KIF21A: variants seen among roughly 807,000 people sequenced by gnomAD.
KIF21A encodes the protein kinesin family member 21A, also known as kinesin-like protein KIF21A.
Under a neutral mutation model 202.9 loss-of-function variants are expected in KIF21A, and 114 were observed. The ratio of observed to expected loss-of-function variants is 0.56; its 90% CI spans 0.48 to 0.66. KIF21A has a LOEUF of 0.66. Among genes scored for constraint, KIF21A ranks in the 30% least tolerant of loss-of-function variants. The pLI is 0.00. For synonymous variants in KIF21A, 667 were observed against 670.8 expected (o/e 0.99, Z 0.09); for missense variants, 1,677 against 1,994.9 (o/e 0.84, Z 3.04).
chr12:39,429,483 T>C (rs1052728653), intron 1 of KIF21A, among the ~76,000 whole-genome samples: 5 of 152,120 alleles, frequency 3.3e-5, no homozygotes, highest in Non-Finnish European at 5.9e-5. Context: ...ACAGACATAA[T>C]AAATTGTAAA....
chr12:39,425,395 G>A (rs575688174), intron 1 of KIF21A, among the ~76,000 whole-genome samples: 3 of 152,112 alleles, frequency 2.0e-5, no homozygotes, highest in Non-Finnish European at 2.9e-5. Context: ...TAAAGTCTCC[G>A]TAAGAATAAT....
chr12:39,319,725 A>T (rs896220260), intron 28 of KIF21A, among the ~76,000 whole-genome samples, 181 bp downstream of exon 28: 1 of 152,110 alleles, frequency 6.6e-6, no homozygotes, highest in African/African-American at 2.4e-5. Flanking sequence ...AGGTATATGT[A>T]TGACCAAGAA....
intron 1 of KIF21A, among the ~76,000 whole-genome samples, chr12:39,410,566 T>A (rs560003694): frequency 2.6e-5 from 4 of 152,282 alleles, no homozygotes; most frequent in Middle Eastern, 3.4e-3. Flanking sequence ...TAAGCAATCC[T>A]ATTAACTATC....
At chr12:39,314,139 A>C (rs953622648) in intron 31 of KIF21A, among the ~76,000 whole-genome samples, 1 of 151,790 alleles carries the variant, frequency 6.6e-6, no homozygotes, top group Non-Finnish European at 1.5e-5. Flanking sequence ...GGAGAAAAAA[A>C]CATTTATTTT....
In KIF21A at chr12:39,340,170, T is replaced by C. The variant is rs200645253; in HGVS notation, c.2305A>G (p.Thr769Ala). 156 of 1,610,994 alleles carry C rather than the reference T, an allele frequency of 9.7e-5. No individual in the cohort carries two copies. The highest frequency in any genetic ancestry group is 6.7e-5 in the Admixed American group (4 of 59,838). The change falls in exon 16 of 38, where the codon ACA becomes GCA. Residue 769 changes from threonine (T) to alanine (A), a missense_variant. This residue lies in a region of KIF21A where 966 missense variants were observed against 1,180.9 expected (regional missense o/e 0.82). Coordinates refer to ENST00000361418, the MANE Select transcript of KIF21A (RefSeq NM_001173464.2). Reference sequence around the variant, plus strand: ...TGGAAAAAAATAATCAATACCTTTGTTTTTTTCATTTCCATCACATCCTGC... The same window carrying C: ...TGGAAAAAAATAATCAATACCTTTGCTTTTTTCATTTCCATCACATCCTGC... ...LQQDVMEMKK[T>A]KVRLMKQMKE... is the part of the protein sequence containing the mutation.
chr12:39,382,560 A>G (rs1004384570), intron 1 of KIF21A, among the ~76,000 whole-genome samples: 3 of 152,146 alleles, frequency 2.0e-5, no homozygotes, highest in African/African-American at 4.8e-5. Flanking sequence ...ATCTACTCCA[A>G]TGGGGCATTT....
rs1206586664 is a variant in KIF21A, at chr12:39,361,544, C to T, written c.1019+1554G>A. On this transcript the variant is annotated intron_variant, in intron 7 of 37. Transcript: ENST00000361418. ...TTTCTTTTTTTTTTTTTTTTTGAGACGGAGTCTCGCTCTGTCTCCCAGGAT... is the reference window on the plus strand; with the variant it reads ...TTTCTTTTTTTTTTTTTTTTTGAGATGGAGTCTCGCTCTGTCTCCCAGGAT... Among the ~76,000 whole-genome samples the T allele has an allele frequency of 7.5e-4, 95 of 126,532 alleles. 1 individual carries two copies. Among genetic ancestry groups the T allele is most frequent in the Admixed American group, 7.0e-3 (84 of 12,032 alleles). 83.0% of individuals were successfully genotyped at this position (126,532 alleles called of 152,430 possible).
chr12:39,315,352 G>C, intron 30 of KIF21A, 112 bp from the exon 31 acceptor site: 2 of 882,292 alleles, frequency 2.3e-6, no homozygotes, highest in Non-Finnish European at 3.6e-6. Context: ...AGAAAGAGAA[G>C]TTAAGGACCC....
chr12:39,311,474 T>C lies in KIF21A; in HGVS notation c.4039A>G (p.Thr1347Ala), dbSNP rs1348979571. The C allele has an allele frequency of 3.1e-6, 5 of 1,613,100 alleles. No homozygotes were observed. In the Admixed American group the frequency reaches 6.7e-5, roughly 22 times the overall value. Residue 1347 changes from threonine to alanine, a missense_variant, in exon 32 of 38, where the codon ACA becomes GCA. Transcript: ENST00000361418. ...GAATCCACACAGAGCACAGCTTTTG[T>C]ATGCCCTTCAGCTATGTGAATACAC... ...LQCIHIAEGH[T>A]KAVLCVDSTD...
intron 6 of KIF21A, 116 bp downstream of exon 6, chr12:39,366,233 AT>A: frequency 1.1e-6 from 1 of 884,840 alleles, no homozygotes; most frequent in African/African-American, 1.7e-5. Flanking sequence ...CTGTTCTATA[AT>A]TTTCATTTCT....
chr12:39,398,885 T>A (rs1191947393), intron 1 of KIF21A, among the ~76,000 whole-genome samples: 1 of 150,638 alleles, frequency 6.6e-6, no homozygotes, highest in Non-Finnish European at 1.5e-5. Flanking sequence ...TCAAAAAAAT[T>A]AAAAATAACA....
chr12:39,301,149 T>C (rs1421047281), intron 37 of KIF21A, among the ~76,000 whole-genome samples: 1 of 152,200 alleles, frequency 6.6e-6, no homozygotes, highest in East Asian at 1.9e-4. Context: ...ATATGAAGAA[T>C]GGCAAATTTG....
chr12:39,428,575 A>G lies in KIF21A; in HGVS notation c.44+14352T>C, dbSNP rs541692307. 3.9e-5 allele frequency among the ~76,000 whole-genome samples: 6 copies of G among 152,322 alleles called. No individual in the cohort carries two copies. In the East Asian group the frequency reaches 5.8e-4, roughly 15 times the overall value. ...GTAATTAAAATTTTTATAATATGCA[A>G]TGTGACTTGTCTCATAACTACAAAG... On this transcript the variant is annotated intron_variant, in intron 1 of 37. Coordinates refer to ENST00000361418, the MANE Select transcript of KIF21A (RefSeq NM_001173464.2).
intron 5 of KIF21A, among the ~76,000 whole-genome samples, 186 bp from the exon 6 acceptor site, chr12:39,366,703 G>A (rs563426510): frequency 5.3e-5 from 8 of 152,152 alleles, no homozygotes; most frequent in Non-Finnish European, 1.2e-4. Context: ...TGGATGGTCA[G>A]AACTCAACTA....
intron 31 of KIF21A, 81 bp from the exon 32 acceptor site, chr12:39,311,634 C>T (rs539233267): frequency 6.9e-7 from 1 of 1,447,598 alleles, no homozygotes; most frequent in South Asian, 1.2e-5. Flanking sequence ...TTGTTTTTTT[C>T]CCCTAACTTT....
intron 11 of KIF21A, among the ~76,000 whole-genome samples, chr12:39,347,320 G>T (rs1365059183): frequency 6.6e-6 from 1 of 151,596 alleles, no homozygotes; most frequent in Non-Finnish European, 1.5e-5. Context: ...AATATCATGT[G>T]TAAAGGGTTT....
chr12:39,361,626 C>T (rs530126803), intron 7 of KIF21A, among the ~76,000 whole-genome samples: 89 of 134,036 alleles, frequency 6.6e-4, no homozygotes, highest in African/African-American at 2.6e-3. Flanking sequence ...CTGCCTCAGC[C>T]TCCCGAGTAG....
intron 1 of KIF21A, among the ~76,000 whole-genome samples, chr12:39,414,145 A>G (rs891927258): frequency 1.3e-5 from 2 of 152,208 alleles, no homozygotes; most frequent in Admixed American, 1.3e-4. Context: ...ATTCAAAATC[A>G]TTCTATATAC....
rs1220226951 is a variant in KIF21A, at chr12:39,356,871, T to TTAC, written c.1427_1429dup (p.Ser476dup). On this transcript the variant is annotated inframe_insertion, in exon 10 of 38. Transcript: ENST00000361418. ...TTCTTTTATATAACTATGAATCATA[T>TTAC]TACTAATCTCCTCATTTCCTTCACC... The TTAC allele has an allele frequency of 7.7e-7, 1 of 1,303,156 alleles. No homozygotes were observed. Among genetic ancestry groups the TTAC allele is most frequent in the African/African-American group, 1.5e-5 (1 of 68,754 alleles). 80.7% of individuals were successfully genotyped at this position (1,303,156 alleles called of 1,614,324 possible).
Sources: allele counts gnomAD v4.1 joint callset (sites outside exome capture counted in the v4.1 genomes callset), GRCh38; gene constraint gnomAD v4.1.1; regional missense constraint gnomAD v4.1.1; transcripts MANE v1.5; gene names NCBI Gene and HGNC (gene_info 2026-07-23, HGNC 2026-07-21).